Variants in PTPRM observed in about 807,000 individuals in gnomAD.
PTPRM encodes the protein protein tyrosine phosphatase receptor type M, also known as receptor-type tyrosine-protein phosphatase mu.
In PTPRM, 47 loss-of-function variants were observed where a neutral mutation model predicts 186.7. The ratio of observed to expected loss-of-function variants is 0.25; its 90% CI spans 0.20 to 0.32. PTPRM has a LOEUF of 0.32. PTPRM is among the 10% of genes least tolerant of loss of function. The probability of loss-of-function intolerance (pLI) is 1.00; values close to 1 mark genes in which losing one functional copy is unlikely to be tolerated. For missense variants in PTPRM, 1,494 were observed against 1,865.0 expected, an observed-to-expected ratio of 0.80 and a Z score of 3.66; for synonymous variants, 668 against 674.9, an observed-to-expected ratio of 0.99 and a Z score of 0.16.
chr18:7,719,431 A>C (rs1272517722), intron 1 of PTPRM, among the ~76,000 whole-genome samples: 2 of 152,152 alleles, frequency 1.3e-5, no homozygotes, highest in Non-Finnish European at 2.9e-5. Context: ...TATTGGGTAC[A>C]GTGTACACTG....
intron 1 of PTPRM, among the ~76,000 whole-genome samples, chr18:7,722,059 G>T (rs1284340424): frequency 6.6e-6 from 1 of 152,236 alleles, no homozygotes; most frequent in East Asian, 1.9e-4. Flanking sequence ...TATGCTATGG[G>T]GTTTGACAAG....
intron 1 of PTPRM, among the ~76,000 whole-genome samples, chr18:7,703,354 G>T (rs1417009434): frequency 6.6e-6 from 1 of 152,156 alleles, no homozygotes; most frequent in Non-Finnish European, 1.5e-5. Context: ...TCCTTGAGCA[G>T]TGGTTTGTAG....
chr18:8,403,672 C>T (rs2095884964), intron 32 of PTPRM: 1 of 152,202 alleles, frequency 6.6e-6, no homozygotes, highest in Admixed American at 6.5e-5. Context: ...TTTAACATTT[C>T]CATCACCCAC....
intron 14 of PTPRM, among the ~76,000 whole-genome samples, chr18:8,234,221 A>T (rs2094318641): frequency 6.6e-6 from 1 of 152,186 alleles, no homozygotes. Context: ...CATGTGGACA[A>T]TATTAAATCT....
chr18:8,263,581 T>C (rs1486673743), intron 19 of PTPRM, among the ~76,000 whole-genome samples: 1 of 152,204 alleles, frequency 6.6e-6, no homozygotes, highest in Non-Finnish European at 1.5e-5. Context: ...ATGCTAATGT[T>C]GACTTAGAGT....
At chr18:7,688,190 C>T (rs1233613067) in intron 1 of PTPRM, among the ~76,000 whole-genome samples, 1 of 152,168 alleles carries the variant, frequency 6.6e-6, no homozygotes, top group Non-Finnish European at 1.5e-5. Flanking sequence ...AGCTACTTCC[C>T]AGCCCGGTAG....
Position 8,376,548 on chromosome 18 carries a change from A to C in PTPRM, c.3413A>C (p.Asn1138Thr). The change falls in exon 26 of 33, where the codon AAC becomes ACC. Residue 1138 changes from asparagine to threonine, a missense_variant. Around this residue, in one of 3 missense-constraint regions of PTPRM, gnomAD observed 1,107 missense variants for 1,350.2 expected, o/e 0.82. Transcript: ENST00000580170. ...AGGGAAGGGGTCGTAGACATCTACAACTGCGTCAGGGAGCTGCGGTCACGG... is the reference window on the plus strand; with the variant it reads ...AGGGAAGGGGTCGTAGACATCTACACCTGCGTCAGGGAGCTGCGGTCACGG... ...AEREGVVDIY[N>T]CVRELRSRRV... is the part of the protein sequence containing the mutation. 2 of 1,613,976 alleles carry C rather than the reference A, an allele frequency of 1.2e-6. No homozygotes were observed.
At chr18:7,917,855 CT>C (rs1396891354) in intron 4 of PTPRM, among the ~76,000 whole-genome samples, 1 of 152,144 alleles carries the variant, frequency 6.6e-6, no homozygotes, top group Admixed American at 6.5e-5. Flanking sequence ...CCATCCCAGC[CT>C]TTGGTAACCA....
chr18:8,362,500 AGT>A (rs1174671418), intron 23 of PTPRM, among the ~76,000 whole-genome samples: 4 of 152,138 alleles, frequency 2.6e-5, no homozygotes, highest in Non-Finnish European at 4.4e-5. Flanking sequence ...GTCACAAAAT[AGT>A]GACTGCTTCC....
intron 7 of PTPRM, among the ~76,000 whole-genome samples, chr18:7,996,650 T>G (rs1188653773): frequency 1.3e-5 from 2 of 152,036 alleles, no homozygotes; most frequent in Non-Finnish European, 2.9e-5. Flanking sequence ...CCTTAAAAAC[T>G]ATTAAAAAGC....
chr18:8,381,289 G>A (rs185564579), intron 29 of PTPRM, among the ~76,000 whole-genome samples: 176 of 150,040 alleles, frequency 1.2e-3, no homozygotes, highest in African/African-American at 4.0e-3. Flanking sequence ...TTTGACCTTA[G>A]CGTGTTTTAA....
chr18:8,027,345 C>G (rs2085634803), intron 7 of PTPRM, among the ~76,000 whole-genome samples: 1 of 152,096 alleles, frequency 6.6e-6, no homozygotes, highest in Admixed American at 6.5e-5. Flanking sequence ...GTGAGATGGC[C>G]TGATATTCAA....
intron 19 of PTPRM, among the ~76,000 whole-genome samples, chr18:8,290,624 C>T (rs566384078): frequency 1.2e-4 from 19 of 152,212 alleles, no homozygotes; most frequent in Middle Eastern, 3.4e-3. Context: ...GCTCTGTGCC[C>T]ATGGAGAGTA....
At chr18:8,285,288 A>T (rs1246731485) in intron 19 of PTPRM, among the ~76,000 whole-genome samples, 1 of 152,208 alleles carries the variant, frequency 6.6e-6, no homozygotes, top group African/African-American at 2.4e-5. Flanking sequence ...ACCTGTGGTC[A>T]CACAGTTAGG....
chr18:8,257,617 A>C (rs558372003), intron 19 of PTPRM, among the ~76,000 whole-genome samples: 2 of 152,326 alleles, frequency 1.3e-5, no homozygotes, highest in African/African-American at 4.8e-5. Context: ...CTTGGCTTCA[A>C]GACTTGTTGA....
intron 2 of PTPRM, among the ~76,000 whole-genome samples, chr18:7,823,045 T>G (rs1356352450): frequency 3.3e-5 from 5 of 152,268 alleles, no homozygotes; most frequent in African/African-American, 1.2e-4. Context: ...TTGCCACCTG[T>G]CCTCTGGGAG....
intron 19 of PTPRM, among the ~76,000 whole-genome samples, chr18:8,289,549 T>TATATAC (rs1568674857): frequency 5.3e-5 from 5 of 94,970 alleles, no homozygotes; most frequent in South Asian, 3.7e-4. Flanking sequence ...TATATATATA[T>TATATAC]ACATATATAT....
At chr18:7,861,365 T>G (rs1015005713) in intron 2 of PTPRM, among the ~76,000 whole-genome samples, 1 of 152,022 alleles carries the variant, frequency 6.6e-6, no homozygotes, top group Non-Finnish European at 1.5e-5. Context: ...TATAGTAATA[T>G]GAAAACTAAG....
At chr18:7,921,674 C>G (rs535093500) in intron 4 of PTPRM, among the ~76,000 whole-genome samples, 38 of 152,222 alleles carry the variant, frequency 2.5e-4, no homozygotes, top group African/African-American at 8.2e-4. Context: ...GCCACCGCAC[C>G]CGGCCTCTAA....
Sources: allele counts gnomAD v4.1 joint callset (sites outside exome capture counted in the v4.1 genomes callset), GRCh38; gene constraint gnomAD v4.1.1; regional missense constraint gnomAD v4.1.1; transcripts MANE v1.5; gene names NCBI Gene and HGNC (gene_info 2026-07-23, HGNC 2026-07-21).